MYO10: variants seen among roughly 807,000 people sequenced by gnomAD.
MYO10 encodes myosin X.
MYO10 carries 133 observed loss-of-function variants against 257.3 expected under a neutral mutation model. The ratio of observed to expected loss-of-function variants is 0.52; its 90% CI spans 0.45 to 0.60. The LOEUF is 0.60. MYO10 is among the 20% of genes least tolerant of loss of function. The pLI is 0.00. For missense variants in MYO10, 2,399 were observed against 2,635.7 expected (o/e 0.91, Z 1.97); for synonymous variants, 1,104 against 1,028.6 (o/e 1.07, Z -1.40).
At chr5:16,827,488 T>C (rs923063156) in intron 2 of MYO10, among the ~76,000 whole-genome samples, 1 of 152,166 alleles carries the variant, frequency 6.6e-6, no homozygotes, top group African/African-American at 2.4e-5. Context: ...GGTTTCACCA[T>C]GATGGCCAGG....
intron 9 of MYO10, among the ~76,000 whole-genome samples, chr5:16,772,314 T>C (rs1472375149): frequency 1.3e-5 from 2 of 152,102 alleles, no homozygotes; most frequent in African/African-American, 4.8e-5. Context: ...GTATATTTAG[T>C]AGAGACAGGG....
chr5:16,755,003 C>T (rs533555785), intron 18 of MYO10, 95 bp from the exon 19 acceptor site: 14 of 741,618 alleles, frequency 1.9e-5, no homozygotes, highest in Non-Finnish European at 2.9e-5. Flanking sequence ...ATTTAAAAAA[C>T]ACAATATAAA....
intron 19 of MYO10, among the ~76,000 whole-genome samples, chr5:16,717,940 G>T (rs1294350570): frequency 6.6e-6 from 1 of 152,232 alleles, no homozygotes; most frequent in African/African-American, 2.4e-5. Context: ...CAGCTTGCAG[G>T]GAGGTGTGGA....
At chr5:16,778,852 G>A (rs559867290) in intron 9 of MYO10, among the ~76,000 whole-genome samples, 2 of 152,114 alleles carry the variant, frequency 1.3e-5, no homozygotes, top group South Asian at 2.1e-4. Flanking sequence ...CACCACGCCC[G>A]GCTAATTGTT....
At chr5:16,818,362 ATGTGTGTGTGTG>A (rs35397872) in intron 2 of MYO10, among the ~76,000 whole-genome samples, 195 bp from the exon 3 acceptor site, 2 of 136,750 alleles carry the variant, frequency 1.5e-5, no homozygotes, top group African/African-American at 5.8e-5. Context: ...GTGTGTATGT[ATGTGTGTGTGTG>A]TGTGTGCGTG....
chr5:16,739,628 G>A lies in MYO10; in HGVS notation c.1929+15200C>T, dbSNP rs1386999752. On this transcript the variant is annotated intron_variant, in intron 19 of 40. Coordinates refer to ENST00000513610, the MANE Select transcript of MYO10 (RefSeq NM_012334.3). Reference sequence around the variant, plus strand: ...ATAAACAATCCAGTAATAGAAATCTGACTTGAAAGTATAGCCACTGACAGA... The same window carrying A: ...ATAAACAATCCAGTAATAGAAATCTAACTTGAAAGTATAGCCACTGACAGA... Among the ~76,000 whole-genome samples, 13 of 152,034 alleles carry A rather than the reference G, an allele frequency of 8.6e-5. No individual in the cohort carries two copies. In the South Asian group the frequency reaches 2.3e-3, roughly 27 times the overall value.
intron 19 of MYO10, among the ~76,000 whole-genome samples, chr5:16,745,742 A>G (rs1740175234): frequency 6.6e-6 from 1 of 152,188 alleles, no homozygotes; most frequent in Non-Finnish European, 1.5e-5. Flanking sequence ...GCTACCTTTA[A>G]GTGTTAGGAA....
rs1457222646 is a variant in MYO10, at chr5:16,936,262, G to C, written c.-454C>G. The C allele has an allele frequency of 6.6e-6, 1 of 152,038 alleles. No homozygotes were observed. The highest frequency in any genetic ancestry group is 2.5e-5 in the African/African-American group (1 of 39,810). The allele number at this position is 152,038 out of a possible 1,614,324, so 9.4% of individuals were successfully genotyped here. ...TGGAGGTGAGCAGTCCCGCGCCGCG[G>C]CTCAGCCAGCTCTCGCCCGCGGGAC... On this transcript the variant is annotated 5_prime_UTR_variant, in exon 1 of 41. Transcript: ENST00000513610.
At chr5:16,773,497 T>C (rs956679920) in intron 9 of MYO10, among the ~76,000 whole-genome samples, 1 of 151,562 alleles carries the variant, frequency 6.6e-6, no homozygotes, top group Non-Finnish European at 1.5e-5. Context: ...ACCCCATTTC[T>C]AAAAAAAATT....
intron 2 of MYO10, among the ~76,000 whole-genome samples, chr5:16,864,889 T>C (rs947537450): frequency 6.6e-6 from 1 of 152,192 alleles, no homozygotes; most frequent in Non-Finnish European, 1.5e-5. Context: ...GCTGGACAAG[T>C]TGCATTTTCC....
chr5:16,898,549 A>T (rs1205762429), intron 1 of MYO10, among the ~76,000 whole-genome samples: 1 of 151,376 alleles, frequency 6.6e-6, no homozygotes, highest in Non-Finnish European at 1.5e-5. Context: ...AATAGATGGG[A>T]TTACAGGGGC....
intron 2 of MYO10, among the ~76,000 whole-genome samples, chr5:16,858,293 C>G (rs996508015): frequency 1.6e-4 from 24 of 152,122 alleles, no homozygotes; most frequent in African/African-American, 5.8e-4. Context: ...ACAATTCAGG[C>G]TGTAGGCAAG....
chr5:16,796,076 C>G (rs1279225242), intron 3 of MYO10, among the ~76,000 whole-genome samples: 2 of 151,146 alleles, frequency 1.3e-5, no homozygotes, highest in East Asian at 2.0e-4. Context: ...GTAATCCCAG[C>G]TACTCGGGAG....
At chr5:16,922,743 G>A (rs1307917953) in intron 1 of MYO10, among the ~76,000 whole-genome samples, 1 of 152,200 alleles carries the variant, frequency 6.6e-6, no homozygotes, top group Non-Finnish European at 1.5e-5. Context: ...TTACAAACTT[G>A]TGCTCAGCCA....
In MYO10 at chr5:16,780,605, G is replaced by T. The variant is rs1395773613; in HGVS notation, c.745C>A (p.Arg249=). ...RIVDYLLEKN[R]VVRQNPGERN... ...TCCCCGGGATTTTGCCTTACTACTC[G>T]GTTCTGGGAAGATAAATCAGATTTA... The change falls in exon 8 of 41, where the codon CGA becomes AGA. Residue 249 remains arginine, a synonymous_variant. Transcript: ENST00000513610. 1 of 1,574,002 alleles carries T rather than the reference G, an allele frequency of 6.4e-7. No homozygotes were observed. The highest frequency in any genetic ancestry group is 8.6e-7 in the Non-Finnish European group (1 of 1,157,378).
chr5:16,911,999 C>T (rs773585184), intron 1 of MYO10, among the ~76,000 whole-genome samples: 10 of 151,982 alleles, frequency 6.6e-5, no homozygotes, highest in Non-Finnish European at 1.3e-4. Context: ...CATGCCATTG[C>T]ACTTCAGCCT....
rs74974547 is a variant in MYO10, at chr5:16,690,873, A to T, written c.3801-954T>A. The stretch of plus-strand genomic sequence containing the variant: ...ATTGGTGAACCAGGTTAACAAAATC[A>T]GGGTAAAACAGCAGCAGATGTTAGG... On this transcript the variant is annotated intron_variant, in intron 27 of 40. Coordinates refer to ENST00000513610, the MANE Select transcript of MYO10 (RefSeq NM_012334.3). Among the ~76,000 whole-genome samples the T allele has an allele frequency of 6.6e-3, 1,008 of 152,236 alleles. 8 individuals carry two copies. The highest frequency in any genetic ancestry group is 0.01 in the Middle Eastern group (3 of 294).
At chr5:16,846,454 C>T (rs1188152609) in intron 2 of MYO10, among the ~76,000 whole-genome samples, 1 of 152,192 alleles carries the variant, frequency 6.6e-6, no homozygotes, top group Non-Finnish European at 1.5e-5. Flanking sequence ...GCAAAGTCTA[C>T]AATCATAAAA....
At chr5:16,674,368 C>G (rs1736622283) in intron 35 of MYO10, among the ~76,000 whole-genome samples, 1 of 152,026 alleles carries the variant, frequency 6.6e-6, no homozygotes, top group Non-Finnish European at 1.5e-5. Flanking sequence ...ACTCAGGAGG[C>G]TAAGGCAGGA....
Sources: allele counts gnomAD v4.1 joint callset (sites outside exome capture counted in the v4.1 genomes callset), GRCh38; gene constraint gnomAD v4.1.1; transcripts MANE v1.5; gene names NCBI Gene and HGNC (gene_info 2026-07-23, HGNC 2026-07-21).